ACSBG2: variants seen among roughly 807,000 people sequenced by gnomAD.
The protein encoded by ACSBG2 is acyl-CoA synthetase bubblegum family member 2, also known as long-chain-fatty-acid--CoA ligase ACSBG2.
ACSBG2 carries 62 observed loss-of-function variants against 74.7 expected under a neutral mutation model. The observed-to-expected ratio is 0.83, with a 90% confidence interval of 0.68 to 1.03. ACSBG2 has a LOEUF of 1.03. Among genes scored for constraint, ACSBG2 ranks in the 50% least tolerant of loss-of-function variants. ACSBG2 has a pLI of 0.00. For missense variants in ACSBG2, 730 were observed against 817.6 expected (o/e 0.89, Z 1.31); for synonymous variants, 309 against 294.1 (o/e 1.05, Z -0.52).
chr19:6,181,410 A>G (rs1027075599), intron 8 of ACSBG2, among the ~76,000 whole-genome samples: 17 of 152,212 alleles, frequency 1.1e-4, no homozygotes, highest in African/African-American at 2.6e-4. Flanking sequence ...AATTGGTTGC[A>G]TATCTAATCT....
At position 6,165,857 on chromosome 19, in the gene ACSBG2, T is replaced by A; in HGVS notation, c.589-9T>A. 6.2e-7 allele frequency: 1 copy of A among 1,613,930 alleles called. No individual in the cohort carries two copies. The highest frequency in any genetic ancestry group is 8.5e-7 in the Non-Finnish European group (1 of 1,179,858). On this transcript the variant is annotated splice_polypyrimidine_tract_variant and intron_variant, in intron 6 of 14. Coordinates refer to ENST00000588485, the MANE Select transcript of ACSBG2 (RefSeq NM_030924.5). ...CTTCTCATCCTCCGCTTGTCTTTTC[T>A]GTCCACAGTGGGATGATTTCATGGA...
In ACSBG2 at chr19:6,183,144, T is replaced by C; in HGVS notation, c.1194T>C (p.Thr398=). 6.2e-7 allele frequency: 1 copy of C among 1,614,240 alleles called. No homozygotes were observed. The highest frequency in any genetic ancestry group is 1.3e-5 in the African/African-American group (1 of 75,066). Residue 398 remains threonine, a synonymous_variant, in exon 10 of 15, where the codon ACT becomes ACC. Transcript: ENST00000588485. ...ACTGTCACTCTTTTATCAGTGGGAC[T>C]GCGCCCCTCAACCAAGAGACTGCCG... ...LDHCHSFISG[T]APLNQETAEF... is the part of the protein sequence containing the mutation.
At chr19:6,163,606 T>C (rs2089698304) in intron 6 of ACSBG2, among the ~76,000 whole-genome samples, 1 of 151,542 alleles carries the variant, frequency 6.6e-6, no homozygotes, top group South Asian at 2.1e-4. Context: ...CCGGGCGTGG[T>C]GGCACGCACC....
chr19:6,192,324 T>C (rs2090587621), intron 14 of ACSBG2, among the ~76,000 whole-genome samples: 1 of 152,222 alleles, frequency 6.6e-6, no homozygotes, highest in Admixed American at 6.5e-5. Context: ...GGTATTTCTA[T>C]GTTGCCCAGG....
intron 6 of ACSBG2, among the ~76,000 whole-genome samples, chr19:6,163,783 C>T (rs374753197): frequency 1.2e-5 from 1 of 81,082 alleles, no homozygotes; most frequent in African/African-American, 4.3e-5. Flanking sequence ...AAATAAAATA[C>T]AAAAAAAAAA....
In ACSBG2 at chr19:6,152,913, A is replaced by C. The variant is rs139071354; in HGVS notation, c.386+1118A>C. 5.9e-5 allele frequency among the ~76,000 whole-genome samples: 9 copies of C among 152,308 alleles called. No homozygotes were observed. In the East Asian group the frequency reaches 1.7e-3, roughly 29 times the overall value. Reference sequence around the variant, plus strand: ...TCAGAGGTGACAAAGCAGGTATCAAAATCTTTATACACTGTATGGTTACAA... The same window carrying C: ...TCAGAGGTGACAAAGCAGGTATCAACATCTTTATACACTGTATGGTTACAA... On this transcript the variant is annotated intron_variant, in intron 4 of 14. Transcript: ENST00000588485.
intron 14 of ACSBG2, chr19:6,191,927 C>T (rs986302495): frequency 1.3e-5 from 2 of 151,994 alleles, no homozygotes; most frequent in Non-Finnish European, 2.9e-5. Flanking sequence ...GAATGAGAAA[C>T]CATTGGACAT....
chr19:6,182,192 A>C (rs1023031988), intron 8 of ACSBG2, among the ~76,000 whole-genome samples: 1 of 151,666 alleles, frequency 6.6e-6, no homozygotes, highest in African/African-American at 2.4e-5. Context: ...TTTTAAAGTC[A>C]GCTTGTCAAT....
At chr19:6,186,039 T>C (rs1323432786) in intron 11 of ACSBG2, among the ~76,000 whole-genome samples, 1 of 149,082 alleles carries the variant, frequency 6.7e-6, no homozygotes, top group Non-Finnish European at 1.5e-5. Context: ...TTTTCAGTTA[T>C]ATTGAGCCAA....
intron 1 of ACSBG2, among the ~76,000 whole-genome samples, chr19:6,136,686 G>A (rs2088584310): frequency 6.6e-6 from 1 of 152,138 alleles, no homozygotes; most frequent in African/African-American, 2.4e-5. Flanking sequence ...TTAAAATTGT[G>A]AAACATATAA....
intron 14 of ACSBG2, chr19:6,191,635 AT>A (rs1382387775): frequency 6.6e-6 from 1 of 152,104 alleles, no homozygotes; most frequent in African/African-American, 2.4e-5. Flanking sequence ...GGTTAGTAAG[AT>A]TAGGGCCCAC....
chr19:6,164,995 C>T (rs901160674), intron 6 of ACSBG2, among the ~76,000 whole-genome samples: 2 of 152,216 alleles, frequency 1.3e-5, no homozygotes, highest in African/African-American at 4.8e-5. Context: ...CTTCACCTGC[C>T]AGAGTGAGGC....
chr19:6,157,248 C>T (rs892407193), intron 5 of ACSBG2, among the ~76,000 whole-genome samples: 5 of 151,966 alleles, frequency 3.3e-5, no homozygotes, highest in Non-Finnish European at 5.9e-5. Flanking sequence ...GCCCCGAGCC[C>T]GGGCTAACTT....
intron 5 of ACSBG2, among the ~76,000 whole-genome samples, chr19:6,157,364 T>C (rs1221203723): frequency 6.6e-6 from 1 of 152,206 alleles, no homozygotes; most frequent in Non-Finnish European, 1.5e-5. Flanking sequence ...GAGACCAGTG[T>C]GGCCAACATG....
rs992696056 is a variant in ACSBG2 at position 6,152,537 on chromosome 19, G to T, written c.386+742G>T. Among the ~76,000 whole-genome samples the T allele has an allele frequency of 2.0e-4, 5 of 24,452 alleles. 1 individual carries two copies. The highest frequency in any genetic ancestry group is 1.8e-3 in the Admixed American group (3 of 1,672). The allele number at this position is 24,452 out of a possible 152,430, so 16.0% of individuals were successfully genotyped here. On this transcript the variant is annotated intron_variant, in intron 4 of 14. Coordinates refer to ENST00000588485, the MANE Select transcript of ACSBG2 (RefSeq NM_030924.5). ...GATCTCCTGACCTCATGATCCACCC[G>T]CCTCGGCCTCCCAATTTTTTTTTTT...
At chr19:6,173,937 ATTTTT>A (rs56905660) in intron 7 of ACSBG2, among the ~76,000 whole-genome samples, 3,340 of 131,000 alleles carry the variant, frequency 0.025, 113 homozygotes, top group African/African-American at 0.085. Context: ...CTCTTGAACT[ATTTTT>A]TTTTTTTTTT....
intron 8 of ACSBG2, among the ~76,000 whole-genome samples, chr19:6,179,176 C>T (rs141506674): frequency 6.6e-6 from 1 of 152,240 alleles, no homozygotes; most frequent in Non-Finnish European, 1.5e-5. Flanking sequence ...GTTGGATCCC[C>T]TATTTTCTGG....
chr19:6,166,279 G>GTT lies in ACSBG2; in HGVS notation c.738+265_738+266dup, dbSNP rs1177830892. Among the ~76,000 whole-genome samples, 490 of 85,776 alleles carry GTT rather than the reference G, an allele frequency of 5.7e-3. 1 individual carries two copies. The highest frequency in any genetic ancestry group is 7.3e-3 in the Non-Finnish European group (337 of 45,882). The allele number at this position is 85,776 out of a possible 152,430, so 56.3% of individuals were successfully genotyped here. A position where few individuals can be genotyped will look rare whatever the true frequency, so the allele number is the denominator to read the frequency against. ...TGATTCCTCTGTGTGAGTCAGGAAG[G>GTT]TTGTGTGTGTGTGTGTGTGTGTGTG... On this transcript the variant is annotated intron_variant, in intron 7 of 14. Coordinates refer to ENST00000588485, the MANE Select transcript of ACSBG2 (RefSeq NM_030924.5).
intron 5 of ACSBG2, among the ~76,000 whole-genome samples, chr19:6,159,154 C>T (rs758089580): frequency 5.3e-5 from 8 of 152,192 alleles, no homozygotes; most frequent in South Asian, 2.1e-4. Context: ...GACTGGATTT[C>T]GCCATGTTAG....
Sources: allele counts gnomAD v4.1 joint callset (sites outside exome capture counted in the v4.1 genomes callset), GRCh38; gene constraint gnomAD v4.1.1; transcripts MANE v1.5; gene names NCBI Gene and HGNC (gene_info 2026-07-23, HGNC 2026-07-21).